The following GALNT17 variants were observed in gnomAD, a reference collection of about 807,000 sequenced individuals.
The protein encoded by GALNT17 is UDP-GalNAc:polypeptide N-acetylgalactosaminyltransferase-like 3.
In GALNT17, 29 loss-of-function variants were observed where a neutral mutation model predicts 63.7. The ratio of observed to expected loss-of-function variants is 0.46; its 90% CI spans 0.34 to 0.62. GALNT17 has a LOEUF of 0.62. Among genes scored for constraint, GALNT17 ranks in the 20% least tolerant of loss-of-function variants. GALNT17 has a pLI of 0.01. For synonymous variants in GALNT17, 305 were observed against 318.3 expected, an observed-to-expected ratio of 0.96 and a Z score of 0.45; for missense variants, 603 against 799.6, an observed-to-expected ratio of 0.75 and a Z score of 2.97.
intron 5 of GALNT17, among the ~76,000 whole-genome samples, chr7:71,567,297 C>A (rs974358719): frequency 1.3e-5 from 2 of 152,160 alleles, no homozygotes; most frequent in Non-Finnish European, 2.9e-5. Context: ...GGAGCAAGGT[C>A]CCGTTTGCAT....
intron 3 of GALNT17, among the ~76,000 whole-genome samples, chr7:71,415,588 T>C (rs1412776695): frequency 6.6e-6 from 1 of 152,122 alleles, no homozygotes; most frequent in Non-Finnish European, 1.5e-5. Flanking sequence ...GAAGGGCCAC[T>C]AAGAAAAGGA....
chr7:71,660,928 T>C (rs1248026907), intron 6 of GALNT17, among the ~76,000 whole-genome samples: 3 of 152,200 alleles, frequency 2.0e-5, no homozygotes, highest in Non-Finnish European at 2.9e-5. Context: ...GAATCACTTG[T>C]CTCCCAGGCA....
At chr7:71,454,959 G>A (rs1326522611) in intron 5 of GALNT17, among the ~76,000 whole-genome samples, 1 of 152,032 alleles carries the variant, frequency 6.6e-6, no homozygotes, top group Non-Finnish European at 1.5e-5. Context: ...TTGAGCTCGG[G>A]AGTTTGAGAC....
At chr7:71,179,464 T>C (rs1394799374) in intron 1 of GALNT17, among the ~76,000 whole-genome samples, 1 of 152,226 alleles carries the variant, frequency 6.6e-6, no homozygotes, top group African/African-American at 2.4e-5. Context: ...ATCCTCAACT[T>C]TGGCAGAATA....
chr7:71,526,097 T>C (rs536657871), intron 5 of GALNT17, among the ~76,000 whole-genome samples: 12 of 152,264 alleles, frequency 7.9e-5, no homozygotes, highest in Admixed American at 2.6e-4. Context: ...CTATAATGAT[T>C]ATTAGACTTA....
intron 4 of GALNT17, among the ~76,000 whole-genome samples, chr7:71,417,913 T>C (rs1441011173): frequency 6.6e-6 from 1 of 152,196 alleles, no homozygotes. Context: ...TGTCTCCCTC[T>C]TTCTCTCTAT....
intron 2 of GALNT17, among the ~76,000 whole-genome samples, chr7:71,349,391 A>C (rs1792152090): frequency 6.6e-6 from 1 of 152,204 alleles, no homozygotes; most frequent in Non-Finnish European, 1.5e-5. Context: ...ATGTCCCTTT[A>C]GTTAATTTAG....
chr7:71,624,593 C>T (rs1790344508), intron 6 of GALNT17, among the ~76,000 whole-genome samples: 3 of 152,204 alleles, frequency 2.0e-5, no homozygotes, highest in African/African-American at 7.2e-5. Context: ...TTCAGCTCCC[C>T]TTTACCATGT....
At chr7:71,609,855 C>T (rs903712275) in intron 6 of GALNT17, among the ~76,000 whole-genome samples, 3 of 151,884 alleles carry the variant, frequency 2.0e-5, no homozygotes, top group African/African-American at 4.8e-5. Flanking sequence ...AGGTTTTATT[C>T]ATTCTTAAGA....
intron 6 of GALNT17, among the ~76,000 whole-genome samples, chr7:71,619,133 A>C (rs1790257117): frequency 1.3e-5 from 2 of 152,000 alleles, no homozygotes; most frequent in Admixed American, 1.3e-4. Context: ...GTGTGCATTT[A>C]ATTTCCATGT....
At chr7:71,668,254 C>T (rs192004912) in intron 7 of GALNT17, among the ~76,000 whole-genome samples, 1 of 152,158 alleles carries the variant, frequency 6.6e-6, no homozygotes, top group Non-Finnish European at 1.5e-5. Context: ...CATTAGCTCA[C>T]GCCTGTAATC....
At chr7:71,265,105 T>G (rs1369337805) in intron 1 of GALNT17, among the ~76,000 whole-genome samples, 2 of 55,670 alleles carry the variant, frequency 3.6e-5, no homozygotes, top group Non-Finnish European at 8.7e-5. Flanking sequence ...ATATTATATA[T>G]ATATATATAT....
At position 71,174,592 on chromosome 7, in the gene GALNT17, G is replaced by A. The variant is rs141280551; in HGVS notation, c.238+41552G>A. On this transcript the variant is annotated intron_variant, in intron 1 of 10. Transcript: ENST00000333538. Reference sequence around the variant, plus strand: ...GTTATCATTAATTCTTATAGGTTTCGGGATGGGCGGTGGAGTTAGGAGCAA... The same window carrying A: ...GTTATCATTAATTCTTATAGGTTTCAGGATGGGCGGTGGAGTTAGGAGCAA... 3.9e-3 allele frequency among the ~76,000 whole-genome samples: 597 copies of A among 152,258 alleles called. 2 individuals carry two copies. Among genetic ancestry groups the A allele is most frequent in the African/African-American group, 9.7e-3 (402 of 41,538 alleles).
intron 1 of GALNT17, among the ~76,000 whole-genome samples, chr7:71,183,474 A>T (rs1788772166): frequency 6.6e-6 from 1 of 152,146 alleles, no homozygotes; most frequent in Non-Finnish European, 1.5e-5. Flanking sequence ...CTCCCACGTC[A>T]AAGAGTGTTC....
At chr7:71,400,386 T>G (rs1255841646) in intron 3 of GALNT17, among the ~76,000 whole-genome samples, 1 of 152,170 alleles carries the variant, frequency 6.6e-6, no homozygotes, top group Non-Finnish European at 1.5e-5. Flanking sequence ...TTTTATATAT[T>G]AAACAAACCT....
chr7:71,602,728 G>A (rs1789984063), intron 6 of GALNT17, among the ~76,000 whole-genome samples: 1 of 152,134 alleles, frequency 6.6e-6, no homozygotes, highest in Non-Finnish European at 1.5e-5. Context: ...AGTTCATGTA[G>A]TGTAAACAGT....
chr7:71,522,390 A>G (rs944823201), intron 5 of GALNT17, among the ~76,000 whole-genome samples: 6 of 152,236 alleles, frequency 3.9e-5, no homozygotes, highest in Non-Finnish European at 8.8e-5. Context: ...AATAGGTTTA[A>G]TTGGACTTAA....
chr7:71,560,113 G>A (rs796622551), intron 5 of GALNT17, among the ~76,000 whole-genome samples: 5 of 141,604 alleles, frequency 3.5e-5, no homozygotes, highest in African/African-American at 1.3e-4. Context: ...AGAATCGCTT[G>A]AATCCGGGAG....
intron 5 of GALNT17, among the ~76,000 whole-genome samples, chr7:71,555,139 G>A (rs1229730822): frequency 1.3e-5 from 2 of 152,006 alleles, no homozygotes; most frequent in African/African-American, 4.8e-5. Flanking sequence ...CCACAGGGAA[G>A]GCACCAAACC....
Sources: gnomAD v4.1 joint callset for allele counts (sites outside exome capture counted in the v4.1 genomes callset) on GRCh38, gnomAD v4.1.1 for gene constraint, MANE v1.5 for transcripts, NCBI Gene and HGNC (gene_info 2026-07-23, HGNC 2026-07-21) for gene names.